The following KSR2 variants were observed in gnomAD, a reference collection of about 807,000 sequenced individuals.
The protein encoded by KSR2 is kinase suppressor of ras 2.
In KSR2, 25 loss-of-function variants were observed where a neutral mutation model predicts 107.8. That is an observed-to-expected ratio of 0.23 (90% confidence interval 0.17 to 0.32). The LOEUF (loss-of-function observed/expected upper bound fraction) is 0.32. Among genes scored for constraint, KSR2 ranks in the 10% least tolerant of loss-of-function variants. The pLI is 1.00. For synonymous variants in KSR2, 480 were observed against 507.0 expected (o/e 0.95, Z 0.71); for missense variants, 887 against 1,268.9 (o/e 0.70, Z 4.57).
At chr12:117,712,245 G>A (rs575212258) in intron 4 of KSR2, among the ~76,000 whole-genome samples, 8 of 152,288 alleles carry the variant, frequency 5.3e-5, no homozygotes, top group South Asian at 2.1e-4. Flanking sequence ...ATGCCTGCAC[G>A]CTCCTCTCAA....
rs915717212 is a variant in KSR2, at chr12:117,466,236, TGGG to T, written c.*960_*962del. 4 of 151,804 alleles carry T rather than the reference TGGG, an allele frequency of 2.6e-5. No homozygotes were observed. Among genetic ancestry groups the T allele is most frequent in the Non-Finnish European group, 5.9e-5 (4 of 67,962 alleles). The allele number at this position is 151,804 out of a possible 1,614,324, so 9.4% of individuals were successfully genotyped here. On this transcript the variant is annotated 3_prime_UTR_variant, in exon 20 of 20. Coordinates refer to ENST00000339824, the MANE Select transcript of KSR2 (RefSeq NM_173598.6). ...CCCCAAGAACCCGCATCCACCTTGG[TGGG>T]GGAATAAGCTTCACTGGTGTGAGTA...
chr12:117,543,852 C>A (rs914577320), intron 9 of KSR2, among the ~76,000 whole-genome samples: 1 of 152,198 alleles, frequency 6.6e-6, no homozygotes, highest in African/African-American at 2.4e-5. Context: ...TTCTTTGCCT[C>A]TTCCTACCTT....
intron 5 of KSR2, among the ~76,000 whole-genome samples, chr12:117,656,843 C>T (rs560398344): frequency 6.6e-6 from 1 of 151,118 alleles, no homozygotes; most frequent in East Asian, 2.0e-4. Context: ...CTCCTTGCTC[C>T]TCAGCTTGCA....
chr12:117,686,498 C>T (rs548237439), intron 4 of KSR2, among the ~76,000 whole-genome samples: 2 of 151,964 alleles, frequency 1.3e-5, no homozygotes, highest in African/African-American at 4.8e-5. Flanking sequence ...TTCTGTCTGA[C>T]CCCAAAGGTC....
chr12:117,842,715 A>G lies in KSR2; in HGVS notation c.472+12713T>C, dbSNP rs1470828581. Among the ~76,000 whole-genome samples the G allele has an allele frequency of 6.6e-6, 1 of 152,120 alleles. No homozygotes were observed. On this transcript the variant is annotated intron_variant, in intron 3 of 19. Transcript: ENST00000339824. This position sits in a 1 kb window ranked among gnomAD's most constrained non-coding sequence, Gnocchi z 4.2. ...AGAGAGTCGGGTTCTCTTTGTTCTC[A>G]TTGGGGGGGTTCCACAAAAGCCAGA...
chr12:117,764,239 C>A (rs569815804), intron 3 of KSR2, among the ~76,000 whole-genome samples: 1 of 150,010 alleles, frequency 6.7e-6, no homozygotes, highest in East Asian at 2.0e-4. Context: ...TGGTTTGGGG[C>A]GGATTTTTTT....
chr12:117,627,318 T>A (rs1203443430), intron 5 of KSR2, among the ~76,000 whole-genome samples: 1 of 152,216 alleles, frequency 6.6e-6, no homozygotes, highest in African/African-American at 2.4e-5. Context: ...TAATTTGGCA[T>A]GTTTTTGCAG....
intron 1 of KSR2, among the ~76,000 whole-genome samples, chr12:117,918,432 T>G (rs1053195493): frequency 6.6e-6 from 1 of 152,202 alleles, no homozygotes; most frequent in Non-Finnish European, 1.5e-5. Flanking sequence ...CCCTATCACC[T>G]GCTTGCCTGC....
chr12:117,491,061 A>G (rs1325415824), intron 14 of KSR2, among the ~76,000 whole-genome samples: 2 of 152,132 alleles, frequency 1.3e-5, no homozygotes, highest in East Asian at 1.9e-4. Context: ...GTGGCCTTTG[A>G]TCAAAGTCTC....
intron 7 of KSR2, among the ~76,000 whole-genome samples, chr12:117,577,656 G>A (rs1329836613): frequency 6.6e-6 from 1 of 152,124 alleles, no homozygotes; most frequent in Non-Finnish European, 1.5e-5. Flanking sequence ...CATGGCAGTG[G>A]CAAGGGAGAA....
chr12:117,792,508 C>A (rs1031914183), intron 3 of KSR2, among the ~76,000 whole-genome samples: 1 of 152,182 alleles, frequency 6.6e-6, no homozygotes, highest in Non-Finnish European at 1.5e-5. Flanking sequence ...AGGATTCTCG[C>A]AAAATTACAA....
intron 9 of KSR2, among the ~76,000 whole-genome samples, chr12:117,552,250 T>C (rs1013713943): frequency 2.0e-5 from 3 of 152,258 alleles, no homozygotes; most frequent in African/African-American, 7.2e-5. Flanking sequence ...ACTGAGTGCA[T>C]TTAAATGTTG....
chr12:117,649,301 T>G (rs972828698), intron 5 of KSR2, among the ~76,000 whole-genome samples: 4 of 152,198 alleles, frequency 2.6e-5, no homozygotes, highest in South Asian at 2.1e-4. Flanking sequence ...GTACATTTAT[T>G]TGACTCCTCC....
intron 4 of KSR2, among the ~76,000 whole-genome samples, chr12:117,732,572 G>C (rs1887775406): frequency 6.6e-6 from 1 of 152,154 alleles, no homozygotes; most frequent in African/African-American, 2.4e-5. Flanking sequence ...TTACAGGTGT[G>C]AGCCACAGCG....
chr12:117,565,094 C>T (rs532433427), intron 7 of KSR2, among the ~76,000 whole-genome samples: 2 of 152,162 alleles, frequency 1.3e-5, no homozygotes, highest in African/African-American at 4.8e-5. Context: ...TGTGTCATGG[C>T]CCCCTGTGAA....
chr12:117,478,157 G>C (rs1871910583), intron 16 of KSR2, among the ~76,000 whole-genome samples: 2 of 152,334 alleles, frequency 1.3e-5, no homozygotes, highest in Middle Eastern at 3.4e-3. Context: ...GAAGGTCTCT[G>C]TGGGGACCTG....
chr12:117,887,645 A>C (rs1434014461), intron 1 of KSR2, among the ~76,000 whole-genome samples: 1 of 152,110 alleles, frequency 6.6e-6, no homozygotes, highest in Non-Finnish European at 1.5e-5. Flanking sequence ...ACACAGCAAT[A>C]ATCCAGCAGC....
At chr12:117,469,575 G>T in intron 19 of KSR2, 87 bp downstream of exon 19, 1 of 1,463,684 alleles carries the variant, frequency 6.8e-7, no homozygotes, top group Non-Finnish European at 9.4e-7. Flanking sequence ...GTTGGGGGAG[G>T]AGTAAAAAAG....
At chr12:117,661,144 G>A (rs1160443877) in intron 5 of KSR2, among the ~76,000 whole-genome samples, 1 of 152,186 alleles carries the variant, frequency 6.6e-6, no homozygotes, top group Non-Finnish European at 1.5e-5. Flanking sequence ...GTTCTATAAA[G>A]TAACTGACCC....
Sources: allele counts gnomAD v4.1 joint callset (sites outside exome capture counted in the v4.1 genomes callset), GRCh38; gene constraint gnomAD v4.1.1; non-coding constraint Gnocchi (gnomAD v3.1); transcripts MANE v1.5; gene names NCBI Gene and HGNC (gene_info 2026-07-23, HGNC 2026-07-21).